Variants in NSMCE2 observed in about 807,000 individuals in gnomAD.
The protein encoded by NSMCE2 is NSE2 SUMO ligase component of SMC5/6 complex, also known as E3 SUMO-protein ligase NSE2.
In NSMCE2, 24 loss-of-function variants were observed where a neutral mutation model predicts 23.8. The observed-to-expected ratio is 1.01, with a 90% CI of 0.73 to 1.42. The LOEUF is 1.42. NSMCE2 is among the 40% of genes most tolerant of loss of function. The pLI is 0.00. For synonymous variants in NSMCE2, 92 were observed against 94.1 expected, an observed-to-expected ratio of 0.98 and a Z score of 0.13; for missense variants, 284 against 296.5, an observed-to-expected ratio of 0.96 and a Z score of 0.31.
intron 5 of NSMCE2, among the ~76,000 whole-genome samples, chr8:125,318,078 G>A (rs973572155): frequency 3.3e-5 from 5 of 152,094 alleles, no homozygotes; most frequent in Admixed American, 1.3e-4. Context: ...CCAATCACCA[G>A]TAAGAATATA....
intron 5 of NSMCE2, among the ~76,000 whole-genome samples, chr8:125,292,051 A>G (rs1586727813): frequency 6.6e-6 from 1 of 152,216 alleles, no homozygotes; most frequent in African/African-American, 2.4e-5. Flanking sequence ...GGAAGTGCAC[A>G]TCACTTCCAC....
At chr8:125,128,670 G>GAGCCTCCA (rs1464802320) in intron 3 of NSMCE2, among the ~76,000 whole-genome samples, 3 of 152,158 alleles carry the variant, frequency 2.0e-5, no homozygotes, top group African/African-American at 7.2e-5. Flanking sequence ...AGGCTCCAGG[G>GAGCCTCCA]GAAAATCATT....
intron 5 of NSMCE2, among the ~76,000 whole-genome samples, chr8:125,242,302 A>G (rs1477797774): frequency 1.3e-5 from 2 of 152,108 alleles, no homozygotes; most frequent in East Asian, 3.9e-4. Context: ...GTAGAATCAA[A>G]GGGAAGAAAA....
At chr8:125,283,230 A>G (rs916505271) in intron 5 of NSMCE2, among the ~76,000 whole-genome samples, 1 of 152,234 alleles carries the variant, frequency 6.6e-6, no homozygotes, top group Non-Finnish European at 1.5e-5. Flanking sequence ...ATTGTTTTTA[A>G]TTAAGAAAAC....
chr8:125,235,067 GA>G lies in NSMCE2; in HGVS notation c.418+52815del, dbSNP rs531873937. On this transcript the variant is annotated intron_variant, in intron 5 of 7. Coordinates refer to ENST00000287437, the MANE Select transcript of NSMCE2 (RefSeq NM_173685.4). ...TCGAGACCAGCCTGGCCAACATGGTGAAAACCCACCTCTACTAAAAATACAA... is the reference window on the plus strand; with the variant it reads ...TCGAGACCAGCCTGGCCAACATGGTGAAACCCACCTCTACTAAAAATACAA... Among the ~76,000 whole-genome samples the G allele has an allele frequency of 9.2e-3, 1,396 of 152,024 alleles. 8 individuals are homozygous for G. The highest frequency in any genetic ancestry group is 0.014 in the Non-Finnish European group (934 of 67,980).
intron 5 of NSMCE2, among the ~76,000 whole-genome samples, chr8:125,190,082 T>G (rs1054928214): frequency 6.6e-6 from 1 of 152,202 alleles, no homozygotes; most frequent in Non-Finnish European, 1.5e-5. Context: ...CAAGATGGAC[T>G]TTTTCAGGCT....
chr8:125,289,610 T>G (rs1389717897), intron 5 of NSMCE2, among the ~76,000 whole-genome samples: 1 of 152,204 alleles, frequency 6.6e-6, no homozygotes, highest in Non-Finnish European at 1.5e-5. Flanking sequence ...TCCTTTTACA[T>G]TTTCAGTGTC....
intron 5 of NSMCE2, among the ~76,000 whole-genome samples, chr8:125,218,499 C>T (rs768040727): frequency 2.6e-5 from 4 of 151,722 alleles, no homozygotes; most frequent in Non-Finnish European, 5.9e-5. Context: ...GCAACCTCCG[C>T]ATCTTGGGTT....
At chr8:125,171,341 A>C (rs753277151) in intron 4 of NSMCE2, among the ~76,000 whole-genome samples, 1 of 152,190 alleles carries the variant, frequency 6.6e-6, no homozygotes, top group Non-Finnish European at 1.5e-5. Flanking sequence ...GCTCTAAGTA[A>C]ATAGTTGAAG....
chr8:125,218,380 TGGGA>T (rs1824695283), intron 5 of NSMCE2, among the ~76,000 whole-genome samples: 1 of 151,768 alleles, frequency 6.6e-6, no homozygotes, highest in South Asian at 2.1e-4. Flanking sequence ...CACATGCATT[TGGGA>T]TAAAAATAGC....
intron 5 of NSMCE2, among the ~76,000 whole-genome samples, chr8:125,188,072 A>C (rs948256097): frequency 1.3e-5 from 2 of 152,196 alleles, no homozygotes; most frequent in Non-Finnish European, 2.9e-5. Context: ...ATTGTAATCT[A>C]GCAATTAATA....
chr8:125,115,659 G>A (rs1818969557), intron 3 of NSMCE2, among the ~76,000 whole-genome samples: 1 of 152,202 alleles, frequency 6.6e-6, no homozygotes, highest in East Asian at 1.9e-4. Flanking sequence ...GCTGAGGCAG[G>A]AGAATTGCTA....
At chr8:125,322,696 G>A (rs1229293701) in intron 5 of NSMCE2, among the ~76,000 whole-genome samples, 1 of 152,204 alleles carries the variant, frequency 6.6e-6, no homozygotes, top group African/African-American at 2.4e-5. Context: ...ATGATCATCT[G>A]TGCTGAAAAT....
At position 125,357,058 on chromosome 8, in the gene NSMCE2, T is replaced by C. The variant is rs73338863; in HGVS notation, c.419-161T>C. ...AAAATAGTCAGAATGAGGTACCCCG[T>C]AGTGTTCTCTGAAAAGCAGAAGAGT... is the stretch of plus-strand genomic sequence containing the variant. On this transcript the variant is annotated intron_variant, in intron 5 of 7. Transcript: ENST00000287437. Among the ~76,000 whole-genome samples the C allele has an allele frequency of 6.3e-3, 958 of 152,304 alleles. 8 individuals are homozygous for C. The highest frequency in any genetic ancestry group is 0.022 in the African/African-American group (931 of 41,566).
At chr8:125,265,159 A>AT (rs34556365) in intron 5 of NSMCE2, among the ~76,000 whole-genome samples, 97,728 of 150,298 alleles carry the variant, frequency 0.65, 34,504 homozygotes, top group Non-Finnish European at 0.78. Context: ...GCTTTATTTA[A>AT]TTTTTTTTTG....
At chr8:125,222,764 C>T (rs560436245) in intron 5 of NSMCE2, among the ~76,000 whole-genome samples, 21 of 152,038 alleles carry the variant, frequency 1.4e-4, no homozygotes, top group African/African-American at 4.8e-4. Context: ...ATCTGTTCAT[C>T]GATGAGAGAC....
At chr8:125,188,947 A>C (rs1183705707) in intron 5 of NSMCE2, among the ~76,000 whole-genome samples, 1 of 152,226 alleles carries the variant, frequency 6.6e-6, no homozygotes, top group African/African-American at 2.4e-5. Context: ...AACTTGGAAG[A>C]AGACAGATGA....
chr8:125,349,785 C>G (rs538480957), intron 5 of NSMCE2, among the ~76,000 whole-genome samples: 1 of 152,250 alleles, frequency 6.6e-6, no homozygotes, highest in South Asian at 2.1e-4. Context: ...AAGACCATGT[C>G]TGGATTCTCC....
intron 5 of NSMCE2, among the ~76,000 whole-genome samples, chr8:125,341,395 GCTT>G (rs1294520904): frequency 6.6e-6 from 1 of 151,994 alleles, no homozygotes; most frequent in Non-Finnish European, 1.5e-5. Context: ...CTCCTTTCTT[GCTT>G]CCTCTGTTTT....
Sources: allele counts gnomAD v4.1 joint callset (sites outside exome capture counted in the v4.1 genomes callset), GRCh38; gene constraint gnomAD v4.1.1; transcripts MANE v1.5; gene names NCBI Gene and HGNC (gene_info 2026-07-23, HGNC 2026-07-21).